ALDH18A1: variants seen among roughly 807,000 people sequenced by gnomAD.
ALDH18A1 encodes aldehyde dehydrogenase 18 family member A1.
ALDH18A1 carries 44 observed loss-of-function variants against 88.8 expected under a neutral mutation model. That is an observed-to-expected ratio of 0.50 (90% CI 0.39 to 0.64). ALDH18A1 has a LOEUF of 0.64. Among genes scored for constraint, ALDH18A1 ranks in the 30% least tolerant of loss-of-function variants. The pLI is 0.00. For missense variants in ALDH18A1, 782 were observed against 1,009.5 expected, an observed-to-expected ratio of 0.77 and a Z score of 3.05; for synonymous variants, 331 against 372.1, an observed-to-expected ratio of 0.89 and a Z score of 1.27.
chr10:95,623,510 C>G (rs896643925), intron 11 of ALDH18A1, among the ~76,000 whole-genome samples: 8 of 151,934 alleles, frequency 5.3e-5, no homozygotes, highest in Non-Finnish European at 7.4e-5. Context: ...TAGGTTCAAG[C>G]GATTCTCCTG....
intron 12 of ALDH18A1, among the ~76,000 whole-genome samples, chr10:95,620,417 C>T (rs570063575): frequency 5.6e-4 from 86 of 152,302 alleles, no homozygotes; most frequent in African/African-American, 1.9e-3. Context: ...TTTGACCCAG[C>T]CATCCCATTA....
At chr10:95,637,462 C>T in intron 3 of ALDH18A1, 26 bp from the exon 4 acceptor site, 1 of 1,613,282 alleles carries the variant, frequency 6.2e-7, no homozygotes. Flanking sequence ...GGAAAGGGGA[C>T]TGTAAGTTAC....
chr10:95,626,784 A>C lies in ALDH18A1; in HGVS notation c.1079-8T>G. On this transcript the variant is annotated splice_region_variant and splice_polypyrimidine_tract_variant and intron_variant, in intron 9 of 17. Coordinates refer to ENST00000371224, the MANE Select transcript of ALDH18A1 (RefSeq NM_002860.4). ...GCTGCTCAACAGTAGGGCCTGCAAG[A>C]ATATGTGCAAATATCAGGTCATGGT... 6.2e-7 allele frequency: 1 copy of C among 1,613,914 alleles called. No individual in the cohort carries two copies. Among genetic ancestry groups the C allele is most frequent in the South Asian group, 1.1e-5 (1 of 91,076 alleles).
chr10:95,645,416 C>T (rs1037382603), intron 2 of ALDH18A1, among the ~76,000 whole-genome samples: 5 of 152,144 alleles, frequency 3.3e-5, no homozygotes, highest in African/African-American at 1.2e-4. Context: ...AAATTACAGA[C>T]AATTTTCTCA....
intron 7 of ALDH18A1, among the ~76,000 whole-genome samples, 195 bp downstream of exon 7, chr10:95,632,764 T>C (rs574683499): frequency 6.6e-6 from 1 of 152,302 alleles, no homozygotes; most frequent in African/African-American, 2.4e-5. Context: ...GGAAGTAACA[T>C]TTCAGGATTC....
At chr10:95,608,592 C>G (rs1406648091) in intron 17 of ALDH18A1, among the ~76,000 whole-genome samples, 1 of 152,228 alleles carries the variant, frequency 6.6e-6, no homozygotes, top group Non-Finnish European at 1.5e-5. Context: ...GCCTCGAACT[C>G]CTGGGCTCAA....
intron 8 of ALDH18A1, 100 bp downstream of exon 8, chr10:95,628,268 A>G: frequency 6.5e-7 from 1 of 1,536,798 alleles, no homozygotes; most frequent in Non-Finnish European, 9.0e-7. Flanking sequence ...TGTGCCTACT[A>G]TCTGAACCAT....
intron 3 of ALDH18A1, among the ~76,000 whole-genome samples, chr10:95,641,668 T>C (rs2097891919): frequency 6.6e-6 from 1 of 152,044 alleles, no homozygotes; most frequent in African/African-American, 2.4e-5. Context: ...AGACAGGGTC[T>C]TGCTCTGTCA....
At position 95,616,579 on chromosome 10, in the gene ALDH18A1, C is replaced by G; in HGVS notation, c.1503G>C (p.Leu501Phe). ...AALAIASGNG[L>F]LLKGGKEAAH... is the part of the protein sequence containing the mutation. Reference sequence around the variant, plus strand: ...CAGCCTCCTTCCCTCCTTTGAGTAACAAGCCATTGCCACTTGCGATAGCCA... The same window carrying G: ...CAGCCTCCTTCCCTCCTTTGAGTAAGAAGCCATTGCCACTTGCGATAGCCA... The change falls in exon 13 of 18, where the codon TTG (leucine) becomes TTC (phenylalanine). Residue 501 changes from leucine (L) to phenylalanine (F), a missense_variant. Leu to Phe is a conservative substitution (Grantham distance 22). Around this residue, in one of 3 missense-constraint regions of ALDH18A1, gnomAD observed 556 missense variants for 654.5 expected, o/e 0.85. Transcript: ENST00000371224. 1 of 1,606,220 alleles carries G rather than the reference C, an allele frequency of 6.2e-7. No homozygotes were observed. The highest frequency in any genetic ancestry group is 8.5e-7 in the Non-Finnish European group (1 of 1,176,530).
intron 12 of ALDH18A1, among the ~76,000 whole-genome samples, chr10:95,619,584 A>G (rs146191327): frequency 0.015 from 2,274 of 152,192 alleles, 29 homozygotes; most frequent in Middle Eastern, 0.044. Context: ...TGGTACCAAA[A>G]CAGAGAGATA....
chr10:95,625,033 T>C (rs1312404765), intron 11 of ALDH18A1, among the ~76,000 whole-genome samples: 1 of 152,192 alleles, frequency 6.6e-6, no homozygotes, highest in Admixed American at 6.5e-5. Context: ...TGCCTGTCAA[T>C]AGAGAAAGGC....
rs554037525 is a variant in ALDH18A1, at chr10:95,653,145, G to A, written c.88+145C>T. 2.7e-4 allele frequency: 203 copies of A among 746,788 alleles called. No individual in the cohort carries two copies. The South Asian group carries it at 3.0e-3, about 11-fold the overall frequency. The allele number at this position is 746,788 out of a possible 1,614,324, so 46.3% of individuals were successfully genotyped here. A position where few individuals can be genotyped will look rare whatever the true frequency, so the allele number is the denominator to read the frequency against. On this transcript the variant is annotated intron_variant, in intron 2 of 17. Transcript: ENST00000371224. ...CTGGACTGCATGGAGCTATGTTTGT[G>A]CCACTGCACTCCAGCCTGTGTGACA... is the stretch of plus-strand genomic sequence containing the variant.
intron 11 of ALDH18A1, among the ~76,000 whole-genome samples, chr10:95,624,781 A>G (rs1175724314): frequency 6.6e-6 from 1 of 152,220 alleles, no homozygotes; most frequent in Non-Finnish European, 1.5e-5. Context: ...TGGTTAATTA[A>G]CTAAGAAACA....
intron 1 of ALDH18A1, among the ~76,000 whole-genome samples, chr10:95,655,253 T>C (rs1269089127): frequency 6.6e-6 from 1 of 152,056 alleles, no homozygotes; most frequent in Non-Finnish European, 1.5e-5. Flanking sequence ...CACTTATAAA[T>C]CAGGGATACT....
chr10:95,611,195 G>T, intron 16 of ALDH18A1, 61 bp downstream of exon 16: 1 of 1,599,866 alleles, frequency 6.3e-7, no homozygotes, highest in South Asian at 1.1e-5. Flanking sequence ...GGGGCTAAGA[G>T]GAGCAGGATC....
At chr10:95,652,098 A>G (rs1181111952) in intron 2 of ALDH18A1, among the ~76,000 whole-genome samples, 2 of 152,272 alleles carry the variant, frequency 1.3e-5, no homozygotes, top group Non-Finnish European at 2.9e-5. Context: ...CCAGAGAATT[A>G]TGCTGAAGAA....
In ALDH18A1 at chr10:95,636,570, C is replaced by G. The variant is rs1487555900; in HGVS notation, c.558+523G>C. Reference sequence around the variant, plus strand: ...ACCACAGTATCCCCAATGCCCAAGACTGCTAGGTACACCATAGGTGCTCAA... The same window carrying G: ...ACCACAGTATCCCCAATGCCCAAGAGTGCTAGGTACACCATAGGTGCTCAA... On this transcript the variant is annotated intron_variant, in intron 5 of 17. Coordinates refer to ENST00000371224, the MANE Select transcript of ALDH18A1 (RefSeq NM_002860.4). Among the ~76,000 whole-genome samples the G allele has an allele frequency of 2.0e-5, 3 of 152,326 alleles. No homozygotes were observed. In the East Asian group the frequency reaches 5.8e-4, roughly 29 times the overall value.
intron 17 of ALDH18A1, among the ~76,000 whole-genome samples, chr10:95,609,464 G>A (rs2139522946): frequency 6.6e-6 from 1 of 152,310 alleles, no homozygotes; most frequent in African/African-American, 2.4e-5. Context: ...TAAAAGGAGT[G>A]CTCTCAAGGG....
At chr10:95,620,770 TCA>T (rs2097850935) in intron 12 of ALDH18A1, among the ~76,000 whole-genome samples, 1 of 109,238 alleles carries the variant, frequency 9.2e-6, no homozygotes, top group Non-Finnish European at 1.8e-5. Context: ...GTGGGGAACA[TCA>T]CACACTGGGG....
Sources: allele counts gnomAD v4.1 joint callset (sites outside exome capture counted in the v4.1 genomes callset), GRCh38; gene constraint gnomAD v4.1.1; regional missense constraint gnomAD v4.1.1; transcripts MANE v1.5; gene names NCBI Gene and HGNC (gene_info 2026-07-23, HGNC 2026-07-21).